Variants in FGF13 observed in about 807,000 individuals in gnomAD.
FGF13 encodes fibroblast growth factor homologous factor 2.
Under a neutral mutation model 19.5 loss-of-function variants are expected in FGF13, and 2 were observed. That is an observed-to-expected ratio of 0.10 (90% CI 0.04 to 0.32). The LOEUF (loss-of-function observed/expected upper bound fraction) is 0.32. Among genes scored for constraint, FGF13 ranks in the 10% least tolerant of loss-of-function variants. FGF13 has a pLI of 1.00. For synonymous variants in FGF13, 72 were observed against 76.9 expected (o/e 0.94, Z 0.33); for missense variants, 113 against 192.7 (o/e 0.59, Z 2.45).
At chrX:138,872,066 ACAGTAGTTAGGAC>A (rs2091360531) in intron 1 of FGF13, among the ~76,000 whole-genome samples, 1 of 112,095 alleles carries the variant, frequency 8.9e-6, no homozygotes, top group Admixed American at 9.5e-5. Context: ...GCAACAGGTG[ACAGTAGTTAGGAC>A]CAGTGGCAGT....
chrX:138,873,655 T>C (rs1440566511), intron 1 of FGF13, among the ~76,000 whole-genome samples: 2 of 111,205 alleles, frequency 1.8e-5, no homozygotes, highest in Admixed American at 1.9e-4. Flanking sequence ...TTCCCATTAA[T>C]TAAATTCATG....
intron 1 of FGF13, among the ~76,000 whole-genome samples, chrX:138,728,726 T>C (rs1478631390): frequency 2.7e-5 from 3 of 110,606 alleles, no homozygotes; most frequent in Non-Finnish European, 5.7e-5. Flanking sequence ...CCCATGGGCA[T>C]TGAGTACCTT....
At chrX:138,774,691 GT>G (rs2090575463) in intron 3 of FGF13, among the ~76,000 whole-genome samples, 2 of 111,301 alleles carry the variant, frequency 1.8e-5, no homozygotes, top group African/African-American at 6.5e-5. Flanking sequence ...ACACCAAATG[GT>G]AAGATTCCTA....
At chrX:139,095,662 T>G (rs2083466054) in intron 1 of FGF13, among the ~76,000 whole-genome samples, 1 of 112,107 alleles carries the variant, frequency 8.9e-6, no homozygotes, top group Non-Finnish European at 1.9e-5. Flanking sequence ...GCTCTTTGAT[T>G]TGGTGTGAAG....
intron 1 of FGF13, among the ~76,000 whole-genome samples, chrX:138,984,579 AAGAAGAAGAAGGAGGAGG>A (rs1569436155): frequency 3.2e-4 from 16 of 49,462 alleles, no homozygotes; most frequent in Admixed American, 1.2e-3. Context: ...GAAGAAGAAG[AAGAAGAAGAAGGAGGAGG>A]AGGAGGAGGA....
At chrX:138,814,333 C>A (rs2090947253) in intron 3 of FGF13, among the ~76,000 whole-genome samples, 1 of 110,091 alleles carries the variant, frequency 9.1e-6, no homozygotes, top group Non-Finnish European at 1.9e-5. Context: ...TACTATAAAT[C>A]ATCTATAATT....
chrX:138,652,517 G>T (rs1273839106), intron 3 of FGF13, among the ~76,000 whole-genome samples: 1 of 111,699 alleles, frequency 9.0e-6, no homozygotes, highest in Non-Finnish European at 1.9e-5. Context: ...AGGGATAGAT[G>T]AATCCTGGTA....
At chrX:139,045,164 G>T (rs1482627957) in intron 1 of FGF13, among the ~76,000 whole-genome samples, 1 of 112,404 alleles carries the variant, frequency 8.9e-6, no homozygotes, top group Non-Finnish European at 1.9e-5. Context: ...CTTGGCTTAT[G>T]GTTTGCATTC....
intron 3 of FGF13, among the ~76,000 whole-genome samples, chrX:138,688,491 C>G (rs919518448): frequency 9.0e-6 from 1 of 111,551 alleles, no homozygotes; most frequent in Non-Finnish European, 1.9e-5. Flanking sequence ...ATTCCCAACA[C>G]AAAGAATAGA....
At chrX:139,031,929 C>G (rs17001950) in intron 1 of FGF13, among the ~76,000 whole-genome samples, 17,771 of 109,852 alleles carry the variant, frequency 0.16, 1,286 homozygotes, top group African/African-American at 0.28. Context: ...GCTCCAAAAA[C>G]TTTAACAGCA....
At chrX:139,073,420 G>A (rs1387567473) in intron 1 of FGF13, among the ~76,000 whole-genome samples, 1 of 111,329 alleles carries the variant, frequency 9.0e-6, no homozygotes, top group African/African-American at 3.3e-5. Flanking sequence ...AGGATAAAAT[G>A]AGGTTAAAGT....
chrX:138,799,264 T>C (rs2090808219), intron 3 of FGF13, among the ~76,000 whole-genome samples: 1 of 111,994 alleles, frequency 8.9e-6, no homozygotes, highest in African/African-American at 3.3e-5. Context: ...ATTGTCTCTT[T>C]GTTCTCTTTG....
At chrX:138,742,091 T>C (rs1378984626), upstream of FGF13, among the ~76,000 whole-genome samples, 2 of 111,615 alleles carry the variant, frequency 1.8e-5, no homozygotes, top group Non-Finnish European at 3.8e-5. Flanking sequence ...CCCCTCCACA[T>C]CTCTCAATTT....
intron 1 of FGF13, among the ~76,000 whole-genome samples, chrX:139,066,484 G>C (rs752104858): frequency 3.8e-4 from 43 of 111,756 alleles, no homozygotes; most frequent in Non-Finnish European, 7.0e-4. Flanking sequence ...TATCACCACT[G>C]ATCCCACAGA....
chrX:138,862,539 T>A (rs2091294313), intron 2 of FGF13, among the ~76,000 whole-genome samples: 1 of 109,834 alleles, frequency 9.1e-6, no homozygotes. Flanking sequence ...GAAAAAAAAA[T>A]GGGGTAATTA....
intron 3 of FGF13, among the ~76,000 whole-genome samples, chrX:138,800,483 C>T (rs1469552831): frequency 9.0e-6 from 1 of 111,689 alleles, no homozygotes; most frequent in East Asian, 2.8e-4. Context: ...GTAACCTGAC[C>T]TTTCTCTCTG....
downstream of FGF13, among the ~76,000 whole-genome samples, chrX:138,853,620 CGTGT>C (rs34651876): frequency 0.053 from 5,310 of 99,676 alleles, 313 homozygotes; most frequent in African/African-American, 0.16. Context: ...TGTGCGTGTG[CGTGT>C]GTGTGTGTGT....
At chrX:138,637,059 G>A (rs2089192404) in intron 3 of FGF13, among the ~76,000 whole-genome samples, 2 of 111,532 alleles carry the variant, frequency 1.8e-5, no homozygotes, top group Non-Finnish European at 3.8e-5. Flanking sequence ...TCCCAATCTG[G>A]CTCCCAGAAT....
intron 3 of FGF13, among the ~76,000 whole-genome samples, chrX:138,814,724 T>C (rs1015484409): frequency 2.7e-5 from 3 of 111,494 alleles, no homozygotes; most frequent in African/African-American, 9.8e-5. Flanking sequence ...GGGAATATCA[T>C]TGTGTTCTCA....
Sources: gnomAD v4.1 joint callset for allele counts (sites outside exome capture counted in the v4.1 genomes callset) on GRCh38, gnomAD v4.1.1 for gene constraint, MANE v1.5 for transcripts, NCBI Gene and HGNC (gene_info 2026-07-23, HGNC 2026-07-21) for gene names.